Variants in SPAG16 observed in about 807,000 individuals in gnomAD.
SPAG16 encodes sperm associated antigen 16, also known as sperm-associated antigen 16 protein.
SPAG16 carries 86 observed loss-of-function variants against 80.4 expected under a neutral mutation model. The ratio of observed to expected loss-of-function variants is 1.07; its 90% CI spans 0.90 to 1.28. The LOEUF (loss-of-function observed/expected upper bound fraction) is 1.28. Ranked by LOEUF, SPAG16 falls within the 50% of genes most tolerant of loss-of-function variation. SPAG16 has a pLI of 0.00. For missense variants in SPAG16, 870 were observed against 765.3 expected (o/e 1.14, Z -1.61); for synonymous variants, 294 against 265.9 (o/e 1.11, Z -1.03).
At chr2:214,340,999 C>CA (rs1484825464) in intron 15 of SPAG16, among the ~76,000 whole-genome samples, 1 of 152,132 alleles carries the variant, frequency 6.6e-6, no homozygotes, top group Non-Finnish European at 1.5e-5. Context: ...TCCTGGAGGA[C>CA]ACAGATCATT....
intron 9 of SPAG16, among the ~76,000 whole-genome samples, chr2:213,376,416 A>G (rs2066884598): frequency 6.6e-6 from 1 of 152,050 alleles, no homozygotes; most frequent in Non-Finnish European, 1.5e-5. Flanking sequence ...ATATTATTTT[A>G]TGGTGTTGCA....
At position 213,442,009 on chromosome 2, in the gene SPAG16, G is replaced by A. The variant is rs142612914; in HGVS notation, c.943-47954G>A. On this transcript the variant is annotated intron_variant, in intron 9 of 15. Transcript: ENST00000331683. The stretch of plus-strand genomic sequence containing the variant: ...TAAAAATATTTTTAAAAAGTTAGCC[G>A]TAGTGGCACATGCCTATAATCCCAG... 8.5e-5 allele frequency among the ~76,000 whole-genome samples: 13 copies of A among 152,294 alleles called. 1 individual carries two copies. The highest frequency in any genetic ancestry group is 2.6e-4 in the African/African-American group (11 of 41,576).
chr2:213,949,179 T>TTTTTTTTTTTTTTTTTTTGTTTTG (rs1553677674), intron 12 of SPAG16, among the ~76,000 whole-genome samples: 7 of 36,260 alleles, frequency 1.9e-4, no homozygotes, highest in Non-Finnish European at 3.3e-4. Context: ...GTTTTTTTTT[T>TTTTTTTTTTTTTTTTTTTGTTTTG]TTTTTTTTTT....
chr2:214,193,462 A>AGAGAGAGAG (rs2057733022), intron 15 of SPAG16, among the ~76,000 whole-genome samples: 1 of 97,878 alleles, frequency 1.0e-5, no homozygotes, highest in African/African-American at 3.1e-5. Context: ...AGAGAGAGAG[A>AGAGAGAGAG]AGGGGGTAGA....
At chr2:213,414,626 G>T (rs542241360) in intron 9 of SPAG16, among the ~76,000 whole-genome samples, 19 of 152,248 alleles carry the variant, frequency 1.2e-4, no homozygotes, top group African/African-American at 4.3e-4. Context: ...ACATAAAAGT[G>T]ATTTTATATC....
At chr2:214,319,470 C>T (rs1044681563) in intron 15 of SPAG16, among the ~76,000 whole-genome samples, 1 of 145,618 alleles carries the variant, frequency 6.9e-6, no homozygotes, top group African/African-American at 2.6e-5. Flanking sequence ...AATCCCAAAC[C>T]AGGGAAATAA....
chr2:213,417,954 A>G (rs906447462), intron 9 of SPAG16, among the ~76,000 whole-genome samples: 3 of 151,774 alleles, frequency 2.0e-5, no homozygotes, highest in Non-Finnish European at 4.4e-5. Context: ...GCTCGCTGCA[A>G]CATCTGCTTC....
At chr2:213,375,793 C>T (rs1284244332) in intron 9 of SPAG16, among the ~76,000 whole-genome samples, 3 of 151,684 alleles carry the variant, frequency 2.0e-5, no homozygotes, top group Non-Finnish European at 4.4e-5. Context: ...AAAATATTTA[C>T]AATTATAATA....
chr2:214,040,729 T>C (rs546405680), intron 13 of SPAG16, among the ~76,000 whole-genome samples: 7 of 152,260 alleles, frequency 4.6e-5, no homozygotes, highest in Admixed American at 1.3e-4. Context: ...TGTCATTGTT[T>C]TTATTTCTTT....
chr2:214,081,835 G>A (rs1028763231), intron 13 of SPAG16, among the ~76,000 whole-genome samples: 1 of 88,680 alleles, frequency 1.1e-5, no homozygotes, highest in Non-Finnish European at 2.9e-5. Flanking sequence ...CCTACTCATT[G>A]TATTTTTTTT....
intron 10 of SPAG16, among the ~76,000 whole-genome samples, chr2:213,718,149 C>CAAAAAAAAAAAAAAAAAAAAAAAAAAA (rs71063769): frequency 1.1e-5 from 1 of 92,250 alleles, no homozygotes; most frequent in African/African-American, 4.7e-5. Flanking sequence ...AACAAGTTTA[C>CAAAAAAAAAAAAAAAAAAAAAAAAAAA]AAAAAAAAAA....
In SPAG16 at chr2:213,292,682, AAACAAAAAAAAAC is replaced by A. The variant is rs2062337507; in HGVS notation, c.137-3379_137-3367del. Among the ~76,000 whole-genome samples the A allele has an allele frequency of 3.7e-5, 5 of 134,358 alleles. 1 individual carries two copies. The highest frequency in any genetic ancestry group is 1.5e-4 in the African/African-American group (5 of 34,132). 88.1% of individuals were successfully genotyped at this position (134,358 alleles called of 152,430 possible). A position where few individuals can be genotyped will look rare whatever the true frequency, so the allele number is the denominator to read the frequency against. On this transcript the variant is annotated intron_variant, in intron 1 of 15. Transcript: ENST00000331683. ...CCGTCTCAAAAAAAAAAAACAAAAAAAACAAAAAAAAACAAAACTATCAGAAAGATATAAATCT... is the reference window on the plus strand; with the variant it reads ...CCGTCTCAAAAAAAAAAAACAAAAAAAAAACTATCAGAAAGATATAAATCT...
intron 13 of SPAG16, among the ~76,000 whole-genome samples, chr2:214,018,895 G>A (rs781540283): frequency 3.9e-5 from 6 of 152,034 alleles, no homozygotes; most frequent in Admixed American, 6.6e-5. Context: ...GATAATTAAC[G>A]TGGAGGCCTA....
chr2:214,367,506 T>C (rs1334951905), intron 15 of SPAG16, among the ~76,000 whole-genome samples: 1 of 152,216 alleles, frequency 6.6e-6, no homozygotes, highest in East Asian at 1.9e-4. Context: ...TTAGTACTTA[T>C]GATTTATAGT....
At chr2:213,348,859 G>C (rs1306280777) in intron 6 of SPAG16, among the ~76,000 whole-genome samples, 1 of 152,004 alleles carries the variant, frequency 6.6e-6, no homozygotes, top group Non-Finnish European at 1.5e-5. Context: ...ATGTGTCCTG[G>C]AGTTGCTCTT....
chr2:213,902,023 G>A (rs556361185), intron 11 of SPAG16, among the ~76,000 whole-genome samples: 25 of 152,274 alleles, frequency 1.6e-4, no homozygotes, highest in African/African-American at 4.8e-4. Flanking sequence ...CTAGAGTCTC[G>A]TGAAAAACAG....
intron 9 of SPAG16, among the ~76,000 whole-genome samples, chr2:213,393,251 ATACT>A (rs1297495560): frequency 6.6e-6 from 1 of 152,032 alleles, no homozygotes; most frequent in Non-Finnish European, 1.5e-5. Flanking sequence ...GTCATTATAA[ATACT>A]TACATTAGCT....
intron 15 of SPAG16, among the ~76,000 whole-genome samples, chr2:214,152,520 T>C (rs1182828171): frequency 6.6e-6 from 1 of 152,118 alleles, no homozygotes; most frequent in Non-Finnish European, 1.5e-5. Flanking sequence ...ACTCAGCATC[T>C]TCATCTACTG....
intron 7 of SPAG16, among the ~76,000 whole-genome samples, chr2:213,353,811 C>T (rs2065471055): frequency 6.6e-6 from 1 of 152,138 alleles, no homozygotes; most frequent in African/African-American, 2.4e-5. Flanking sequence ...CTGATTTACA[C>T]CTATTTGCAC....
Sources: allele counts gnomAD v4.1 joint callset (sites outside exome capture counted in the v4.1 genomes callset), GRCh38; gene constraint gnomAD v4.1.1; transcripts MANE v1.5; gene names NCBI Gene and HGNC (gene_info 2026-07-23, HGNC 2026-07-21).